Variants in FBF1 observed in about 807,000 individuals in gnomAD.
FBF1 encodes the protein Fas binding factor 1, also known as fas-binding factor 1.
FBF1 carries 119 observed loss-of-function variants against 147.2 expected under a neutral mutation model. That is an observed-to-expected ratio of 0.81 (90% confidence interval 0.70 to 0.94). The LOEUF is 0.94. FBF1 is among the 40% of genes least tolerant of loss of function. The probability of loss-of-function intolerance (pLI) is 0.00; values close to 1 mark genes in which losing one functional copy is unlikely to be tolerated. For synonymous variants in FBF1, 601 were observed against 609.0 expected (o/e 0.99, Z 0.19); for missense variants, 1,449 against 1,500.8 (o/e 0.97, Z 0.57).
At position 75,928,946 on chromosome 17, in the gene FBF1, C is replaced by T. The variant is rs1036159324; in HGVS notation, c.280-753G>A. Among the ~76,000 whole-genome samples, 1 of 151,962 alleles carries T rather than the reference C, an allele frequency of 6.6e-6. No homozygotes were observed. Among genetic ancestry groups the T allele is most frequent in the African/African-American group, 2.4e-5 (1 of 41,366 alleles). On this transcript the variant is annotated intron_variant, in intron 7 of 29. Transcript: ENST00000636174. This position sits in a 1 kb window ranked among gnomAD's most constrained non-coding sequence, Gnocchi z 4.2. ...GCTCAAGTGATCCACCTGCCATGGCCTCCCAAAGTGCTGGCATTACAGGAG... is the reference window on the plus strand; with the variant it reads ...GCTCAAGTGATCCACCTGCCATGGCTTCCCAAAGTGCTGGCATTACAGGAG...
chr17:75,935,584 G>A, intron 4 of FBF1, 48 bp downstream of exon 4: 2 of 1,517,156 alleles, frequency 1.3e-6, no homozygotes, highest in Non-Finnish European at 8.8e-7. Flanking sequence ...AGAAAAAAAA[G>A]CAACAGCAGC....
intron 23 of FBF1, among the ~76,000 whole-genome samples, chr17:75,915,589 A>C (rs1053108523): frequency 6.6e-6 from 1 of 152,248 alleles, no homozygotes; most frequent in African/African-American, 2.4e-5. Flanking sequence ...TACCAAATGA[A>C]GAGGCGAATC....
Position 75,913,766 on chromosome 17 carries a change from G to T in FBF1, c.3183C>A (p.Asp1061Glu). 1 of 1,605,272 alleles carries T rather than the reference G, an allele frequency of 6.2e-7. No individual in the cohort carries two copies. ...QRLQLDRARQ[D>E]LPSSLVGLFP... The stretch of plus-strand genomic sequence containing the variant: ...ACAGACCCACGAGGCTAGAGGGCAG[G>T]TCCTGTCGTGCGCGGTCCAGTTGCA... The change falls in exon 28 of 30, where the codon GAC becomes GAA. Residue 1061 changes from aspartate to glutamate, a missense_variant. Coordinates refer to ENST00000636174, the MANE Select transcript of FBF1 (RefSeq NM_001319193.2).
At chr17:75,914,664 C>A in intron 25 of FBF1, 83 bp downstream of exon 25, 1 of 1,385,242 alleles carries the variant, frequency 7.2e-7, no homozygotes, top group Non-Finnish European at 9.6e-7. Context: ...ACTCTCCTTT[C>A]CTAAGACTGG....
chr17:75,925,365 G>C lies in FBF1; in HGVS notation c.950C>G (p.Ser317Cys), dbSNP rs775825827. The C allele has an allele frequency of 5.6e-6, 9 of 1,613,142 alleles. No individual in the cohort carries two copies. Among genetic ancestry groups the C allele is most frequent in the Non-Finnish European group, 5.9e-6 (7 of 1,179,696 alleles). The part of the protein sequence containing the change: ...PTVVSSEGRQ[S>C]RRQSVSRFFA... ...CACTTACCTGACAGACTGCCGGCGG[G>C]ACTGCCGGCCCTCAGAGGAGACCAC... is the stretch of plus-strand genomic sequence containing the variant. Residue 317 changes from serine (S) to cysteine (C), a missense_variant, in exon 13 of 30, where the codon TCC becomes TGC. Physicochemically the swap from Ser to Cys is moderately radical, Grantham distance 112 (BLOSUM62 -1). Transcript: ENST00000636174. This position sits in a 1 kb window ranked among gnomAD's most constrained non-coding sequence, Gnocchi z 5.0.
intron 4 of FBF1, 97 bp downstream of exon 4, chr17:75,935,535 T>C: frequency 7.9e-7 from 1 of 1,273,508 alleles, no homozygotes; most frequent in South Asian, 1.4e-5. Flanking sequence ...GAGGATCATT[T>C]CAGTCCAGAA....
At chr17:75,915,576 A>G (rs1345406642) in intron 23 of FBF1, among the ~76,000 whole-genome samples, 2 of 152,368 alleles carry the variant, frequency 1.3e-5, no homozygotes, top group South Asian at 2.1e-4. Context: ...TGCTTAACAC[A>G]GTTACCAAAT....
In FBF1 at chr17:75,929,981, CA is replaced by C; in HGVS notation, c.279+15del. 1 of 887,808 alleles carries C rather than the reference CA, an allele frequency of 1.1e-6. No homozygotes were observed. Among genetic ancestry groups the C allele is most frequent in the Admixed American group, 2.8e-5 (1 of 35,310 alleles). The allele number at this position is 887,808 out of a possible 1,614,324, so 55.0% of individuals were successfully genotyped here. A position where few individuals can be genotyped will look rare whatever the true frequency, so the allele number is the denominator to read the frequency against. ...CCCACCCCCAGTTCTAAGAATCGTG[CA>C]AGCTGTTTCCTTACCTTCATGGCCT... On this transcript the variant is annotated intron_variant, in intron 7 of 29. Transcript: ENST00000636174.
chr17:75,926,703 CT>C, intron 10 of FBF1, 54 bp downstream of exon 10: 1 of 1,570,720 alleles, frequency 6.4e-7, no homozygotes, highest in Non-Finnish European at 8.6e-7. Context: ...GGCTGGTTAG[CT>C]TGTTGCCAAT....
chr17:75,923,511 A>G lies in FBF1; in HGVS notation c.1099T>C (p.Leu367=). The change falls in exon 14 of 30, where the codon TTG becomes CTG. Residue 367 remains leucine, a synonymous_variant. Transcript: ENST00000636174. This position sits in a 1 kb window ranked among gnomAD's most constrained non-coding sequence, Gnocchi z 4.1. ...ADWLGLKDED[L]DLFPASPTRE... Reference sequence around the variant, plus strand: ...GTGGGTGAGGCAGGGAACAGGTCCAAGTCCTCGTCCTTGAGGCCCAACCAG... The same window carrying G: ...GTGGGTGAGGCAGGGAACAGGTCCAGGTCCTCGTCCTTGAGGCCCAACCAG... 1 of 1,606,228 alleles carries G rather than the reference A, an allele frequency of 6.2e-7. No homozygotes were observed. The highest frequency in any genetic ancestry group is 8.5e-7 in the Non-Finnish European group (1 of 1,176,752).
chr17:75,914,250 T>G lies in FBF1; in HGVS notation c.2863A>C (p.Lys955Gln), dbSNP rs773453385. ...IRASELRAEE[K>Q]QLAAERAALE... The stretch of plus-strand genomic sequence containing the variant: ...GCTGCTCTCTCCGCTGCCAGCTGCT[T>G]CTCCTCGGCCCGGAGCTCGCTGGCC... The change falls in exon 26 of 30, where the codon AAG (lysine) becomes CAG (glutamine). Residue 955 changes from lysine to glutamine, a missense_variant. By Grantham distance (53) the Lys-to-Gln change is moderately conservative. Transcript: ENST00000636174. 1.9e-6 allele frequency: 3 copies of G among 1,594,014 alleles called. No homozygotes were observed. The South Asian group carries it at 3.4e-5, about 18-fold the overall frequency.
chr17:75,939,999 G>C (rs2065651486), intron 1 of FBF1: 1 of 152,272 alleles, frequency 6.6e-6, no homozygotes, highest in Non-Finnish European at 1.5e-5. Context: ...AGGATGGAGT[G>C]CAGTGGTGCG....
rs1447603734 is a variant in FBF1 at position 75,917,830 on chromosome 17, G to A, written c.2407C>T (p.Gln803Ter). ...TCCTCCTCCATGTCCCGCTGCTGCT[G>A]GCCCAGCCGCTCCTGCAGTGCTGGG... ...QLRALQERLG[Q>*]QQRDMEEERS... The change falls in exon 23 of 30, where the codon CAG becomes TAG. Residue 803 changes from glutamine to a stop codon, truncating the protein, a stop_gained. Transcript: ENST00000636174. LOFTEE classifies it high-confidence loss of function. 1.9e-6 allele frequency: 3 copies of A among 1,605,508 alleles called. No homozygotes were observed. Among genetic ancestry groups the A allele is most frequent in the Non-Finnish European group, 2.5e-6 (3 of 1,177,518 alleles).
chr17:75,914,084 G>A, intron 26 of FBF1, 34 bp from the exon 27 acceptor site: 1 of 1,593,676 alleles, frequency 6.3e-7, no homozygotes, highest in Non-Finnish European at 8.5e-7. Context: ...GGGCTGCCTG[G>A]GCTCAGATGC....
intron 23 of FBF1, 117 bp from the exon 24 acceptor site, chr17:75,915,256 T>A: frequency 7.1e-7 from 1 of 1,417,938 alleles, no homozygotes; most frequent in Non-Finnish European, 9.3e-7. Flanking sequence ...CACTGACACG[T>A]CCTTCCCAAA....
rs2065500755 is a variant in FBF1 at position 75,918,129 on chromosome 17, G to A, written c.2246+33C>T. The stretch of plus-strand genomic sequence containing the variant: ...TCTCGGGGACCTTCCGGCCCCCAAC[G>A]TCAGGCGGGCATGGTTGGGGCAGCG... On this transcript the variant is annotated intron_variant, in intron 21 of 29. Coordinates refer to ENST00000636174, the MANE Select transcript of FBF1 (RefSeq NM_001319193.2). The surrounding 1 kb of genome is among the most constrained non-coding windows in gnomAD (Gnocchi z 5.8). The A allele has an allele frequency of 2.5e-6, 4 of 1,610,100 alleles. No individual in the cohort carries two copies. Among genetic ancestry groups the A allele is most frequent in the Admixed American group, 1.7e-5 (1 of 59,716 alleles).
At chr17:75,921,584 G>T in intron 15 of FBF1, 24 bp from the exon 16 acceptor site, 1 of 1,598,296 alleles carries the variant, frequency 6.3e-7, no homozygotes, top group Non-Finnish European at 8.6e-7. Context: ...GATGGGGCAT[G>T]GTGAGCAGCC....
chr17:75,911,677 C>T (rs2065457458), intron 29 of FBF1, among the ~76,000 whole-genome samples: 1 of 152,172 alleles, frequency 6.6e-6, no homozygotes, highest in South Asian at 2.1e-4. Context: ...TGCCACCACG[C>T]TCAGCTATTT....
chr17:75,940,865 C>T lies in FBF1; in HGVS notation c.-101G>A, dbSNP rs932756858. ...TGCGTCACCCTTCTGAGCGCCCGGC[C>T]TATCTGGCCCCGGAGCGCAGCCTGT... On this transcript the variant is annotated 5_prime_UTR_variant, in exon 1 of 30. Transcript: ENST00000636174. 6 of 153,836 alleles carry T rather than the reference C, an allele frequency of 3.9e-5. No individual in the cohort carries two copies. The Admixed American group carries it at 3.9e-4, about 10-fold the overall frequency. 9.5% of individuals were successfully genotyped at this position (153,836 alleles called of 1,614,324 possible).
Sources: gnomAD v4.1 joint callset for allele counts (sites outside exome capture counted in the v4.1 genomes callset) on GRCh38, gnomAD v4.1.1 for gene constraint, Gnocchi (gnomAD v3.1) non-coding constraint, MANE v1.5 for transcripts, NCBI Gene and HGNC (gene_info 2026-07-23, HGNC 2026-07-21) for gene names.